Variants in SYNPO2 observed in about 807,000 individuals in gnomAD.
SYNPO2 encodes the protein synaptopodin 2.
Under a neutral mutation model 85.0 loss-of-function variants are expected in SYNPO2, and 56 were observed. That is an observed-to-expected ratio of 0.66 (90% CI 0.53 to 0.82). SYNPO2 has a LOEUF of 0.82. SYNPO2 is among the 40% of genes least tolerant of loss of function. SYNPO2 has a pLI of 0.00. For missense variants in SYNPO2, 1,575 were observed against 1,534.2 expected, an observed-to-expected ratio of 1.03 and a Z score of -0.44; for synonymous variants, 602 against 591.1, an observed-to-expected ratio of 1.02 and a Z score of -0.27.
At chr4:119,023,008 C>G (rs1480995151) in intron 1 of SYNPO2, among the ~76,000 whole-genome samples, 1 of 151,486 alleles carries the variant, frequency 6.6e-6, no homozygotes, top group South Asian at 2.1e-4. Context: ...GAACTCCTGA[C>G]CTCGTGATCC....
chr4:118,976,688 G>A (rs1735759093), intron 1 of SYNPO2, among the ~76,000 whole-genome samples: 4 of 152,304 alleles, frequency 2.6e-5, no homozygotes, highest in Non-Finnish European at 5.9e-5. Context: ...CACCAGAGCA[G>A]CTAGATACAG....
intron 1 of SYNPO2, among the ~76,000 whole-genome samples, chr4:118,883,602 C>T (rs1048617442): frequency 2.0e-5 from 3 of 152,166 alleles, no homozygotes; most frequent in Admixed American, 6.5e-5. Context: ...GTATCTGATA[C>T]GTTGTTAAAT....
chr4:118,999,789 T>C (rs1391462807), intron 1 of SYNPO2, among the ~76,000 whole-genome samples: 23 of 152,200 alleles, frequency 1.5e-4, no homozygotes, highest in Admixed American at 1.3e-3. Flanking sequence ...CTGGGGCACA[T>C]AGGGTAGATT....
intron 1 of SYNPO2, among the ~76,000 whole-genome samples, chr4:118,983,201 C>T (rs1241241548): frequency 6.6e-6 from 1 of 152,110 alleles, no homozygotes; most frequent in Non-Finnish European, 1.5e-5. Context: ...CCCTTTCAGT[C>T]TTTTCCAGGA....
chr4:118,890,429 A>C (rs1732323955), intron 1 of SYNPO2, among the ~76,000 whole-genome samples: 1 of 152,126 alleles, frequency 6.6e-6, no homozygotes, highest in African/African-American at 2.4e-5. Context: ...ACTTGCCTTA[A>C]GTTTTCAGCT....
intron 1 of SYNPO2, among the ~76,000 whole-genome samples, chr4:118,936,309 G>A (rs144185162): frequency 9.2e-5 from 14 of 152,240 alleles, no homozygotes; most frequent in African/African-American, 3.4e-4. Flanking sequence ...GTATATGTAT[G>A]AACTCTTCAA....
intron 4 of SYNPO2, chr4:119,036,722 T>A: frequency 2.0e-6 from 2 of 986,562 alleles, no homozygotes; most frequent in Non-Finnish European, 2.4e-6. Context: ...TGTCGTCAGA[T>A]GCAGCCAGTT....
chr4:118,985,202 A>G (rs1736173666), intron 1 of SYNPO2, among the ~76,000 whole-genome samples: 3 of 152,184 alleles, frequency 2.0e-5, no homozygotes, highest in Admixed American at 2.0e-4. Flanking sequence ...GTTTGGGGGA[A>G]GGTTGTAGAG....
At chr4:118,955,615 C>A (rs1055120640) in intron 1 of SYNPO2, among the ~76,000 whole-genome samples, 18 of 151,996 alleles carry the variant, frequency 1.2e-4, no homozygotes, top group Non-Finnish European at 5.9e-5. Context: ...AGGTTTGAGC[C>A]GAAATATACA....
chr4:118,881,158 C>T lies in SYNPO2; in HGVS notation c.12+30218C>T, dbSNP rs899153617. 9.2e-5 allele frequency among the ~76,000 whole-genome samples: 14 copies of T among 151,944 alleles called. 1 individual carries two copies. In the East Asian group the frequency reaches 2.7e-3, roughly 29 times the overall value. ...TCTACTAAAAATACAAAAAATTAGC[C>T]GGGTGTAGTGGCGGGCGCCTGTAGT... On this transcript the variant is annotated intron_variant, in intron 1 of 4. Transcript: ENST00000610556.
intron 1 of SYNPO2, among the ~76,000 whole-genome samples, chr4:118,898,853 T>C (rs946676732): frequency 2.0e-5 from 3 of 152,198 alleles, no homozygotes; most frequent in African/African-American, 7.2e-5. Flanking sequence ...CACAGTTCTC[T>C]CAAACACTGT....
intron 1 of SYNPO2, among the ~76,000 whole-genome samples, chr4:118,938,272 A>C (rs1476963789): frequency 6.6e-6 from 1 of 152,186 alleles, no homozygotes; most frequent in Non-Finnish European, 1.5e-5. Flanking sequence ...GTGAGCTGAG[A>C]TCGCCCCACT....
chr4:118,974,911 C>T (rs937672006), intron 1 of SYNPO2, among the ~76,000 whole-genome samples: 1 of 152,152 alleles, frequency 6.6e-6, no homozygotes, highest in Admixed American at 6.5e-5. Context: ...GTTTCTCTAT[C>T]TTCAGTCATC....
intron 1 of SYNPO2, among the ~76,000 whole-genome samples, chr4:118,982,530 A>G (rs1047907774): frequency 7.9e-5 from 12 of 152,300 alleles, no homozygotes; most frequent in Middle Eastern, 3.4e-3. Context: ...GGAGGATGGT[A>G]TGCCCCTCTG....
At chr4:118,975,771 A>AC (rs773192212) in intron 1 of SYNPO2, among the ~76,000 whole-genome samples, 18 of 152,250 alleles carry the variant, frequency 1.2e-4, no homozygotes, top group Admixed American at 7.8e-4. Context: ...CCAGTCTCAT[A>AC]CCCCAAAAAA....
At chr4:118,953,918 CAAAA>C (rs1226392809) in intron 1 of SYNPO2, among the ~76,000 whole-genome samples, 1 of 152,070 alleles carries the variant, frequency 6.6e-6, no homozygotes, top group South Asian at 2.1e-4. Flanking sequence ...GATCAGAATG[CAAAA>C]AAGTTGGAGC....
chr4:118,977,243 G>T (rs1397651097), intron 1 of SYNPO2, among the ~76,000 whole-genome samples: 4 of 152,212 alleles, frequency 2.6e-5, no homozygotes, highest in African/African-American at 7.2e-5. Flanking sequence ...AGCGCCGGTG[G>T]GCCAGCACTG....
chr4:118,850,823 A>G (rs1731409239), exon 1 of SYNPO2: 1 of 398,660 alleles, frequency 2.5e-6, no homozygotes. Context: ...GGAGACTGTC[A>G]TATAGAGTGA....
rs534095216 is a variant in SYNPO2 at position 118,944,449 on chromosome 4, A to G, written c.105+55308A>G. 5.5e-4 allele frequency among the ~76,000 whole-genome samples: 84 copies of G among 152,318 alleles called. 1 individual carries two copies. The highest frequency in any genetic ancestry group is 2.0e-3 in the African/African-American group (83 of 41,558). On this transcript the variant is annotated intron_variant, in intron 1 of 4. Coordinates refer to ENST00000307142, the MANE Select transcript of SYNPO2 (RefSeq NM_133477.3). ...TAAAGCAATGGCTCCACCAAAATAA[A>G]TAAAATAAATGGACATATCCATATT...
Sources: gnomAD v4.1 joint callset for allele counts (sites outside exome capture counted in the v4.1 genomes callset) on GRCh38, gnomAD v4.1.1 for gene constraint, MANE v1.5 for transcripts, NCBI Gene and HGNC (gene_info 2026-07-23, HGNC 2026-07-21) for gene names.